The following SCNN1B variants were observed in gnomAD, a reference collection of about 807,000 sequenced individuals.
SCNN1B encodes epithelial sodium channel subunit beta.
Under a neutral mutation model 65.3 loss-of-function variants are expected in SCNN1B, and 46 were observed. The observed-to-expected ratio is 0.70, with a 90% CI of 0.56 to 0.90. The LOEUF (loss-of-function observed/expected upper bound fraction) is 0.90. Among genes scored for constraint, SCNN1B ranks in the 40% least tolerant of loss-of-function variants. The pLI, the probability that SCNN1B is intolerant of heterozygous loss-of-function variation, is 0.00. For synonymous variants in SCNN1B, 349 were observed against 330.6 expected, an observed-to-expected ratio of 1.06 and a Z score of -0.60; for missense variants, 751 against 830.5, an observed-to-expected ratio of 0.90 and a Z score of 1.18.
chr16:23,373,420 G>A (rs1035902907), intron 7 of SCNN1B, among the ~76,000 whole-genome samples: 2 of 152,164 alleles, frequency 1.3e-5, no homozygotes, highest in African/African-American at 2.4e-5. Flanking sequence ...GAGCCACTGC[G>A]CCCACTGGAA....
chr16:23,369,348 T>C (rs1215566563), intron 5 of SCNN1B, among the ~76,000 whole-genome samples: 1 of 152,172 alleles, frequency 6.6e-6, no homozygotes, highest in Non-Finnish European at 1.5e-5. Flanking sequence ...CCTCTCAAAG[T>C]ACTGGGATTA....
chr16:23,334,549 G>A (rs1360259052), intron 1 of SCNN1B, among the ~76,000 whole-genome samples: 1 of 152,172 alleles, frequency 6.6e-6, no homozygotes, highest in Non-Finnish European at 1.5e-5. Context: ...AAACCCTGAG[G>A]CACACCCGTC....
intron 4 of SCNN1B, among the ~76,000 whole-genome samples, chr16:23,367,301 TTTG>T (rs935136251): frequency 1.3e-5 from 2 of 152,076 alleles, no homozygotes; most frequent in South Asian, 2.1e-4. Context: ...GTTGTTGTTG[TTTG>T]TTGTTGTTTT....
At chr16:23,310,147 C>T (rs555165954) in intron 1 of SCNN1B, among the ~76,000 whole-genome samples, 13 of 152,166 alleles carry the variant, frequency 8.5e-5, no homozygotes, top group Non-Finnish European at 1.3e-4. Context: ...AAGGCTGAGG[C>T]GAGAGGATTG....
intron 1 of SCNN1B, among the ~76,000 whole-genome samples, chr16:23,335,173 ATAGAT>A (rs1961910639): frequency 1.3e-5 from 2 of 152,216 alleles, no homozygotes; most frequent in South Asian, 2.1e-4. Context: ...TGCTGACTGA[ATAGAT>A]TAAACATTGA....
intron 1 of SCNN1B, among the ~76,000 whole-genome samples, chr16:23,346,727 C>T (rs59303590): frequency 0.061 from 8,701 of 143,076 alleles, 956 homozygotes; most frequent in African/African-American, 0.22. Context: ...TTCAGCCTTC[C>T]CCCTTCCCCT....
chr16:23,280,530 T>C (rs150373819), intron 1 of SCNN1B, among the ~76,000 whole-genome samples: 123 of 152,308 alleles, frequency 8.1e-4, no homozygotes, highest in African/African-American at 2.9e-3. Context: ...GTAGGTATTA[T>C]TATTATGAGC....
intron 1 of SCNN1B, among the ~76,000 whole-genome samples, chr16:23,339,246 C>T (rs77882066): frequency 1.2e-3 from 177 of 151,242 alleles, no homozygotes; most frequent in African/African-American, 4.2e-3. Flanking sequence ...ATGGATATGC[C>T]GTAATTTATT....
intron 5 of SCNN1B, 69 bp downstream of exon 5, chr16:23,368,028 G>GACC: frequency 8.2e-7 from 1 of 1,216,780 alleles, no homozygotes; most frequent in Non-Finnish European, 1.2e-6. Flanking sequence ...GGGACTGAAA[G>GACC]ACCATCAGCT....
chr16:23,365,552 G>GAA (rs56313743), intron 4 of SCNN1B, among the ~76,000 whole-genome samples: 8 of 111,814 alleles, frequency 7.2e-5, no homozygotes, highest in African/African-American at 3.1e-4. Context: ...AGAGAAAGAA[G>GAA]GAAAGAGAAA....
intron 1 of SCNN1B, among the ~76,000 whole-genome samples, chr16:23,310,290 CA>C (rs202228096): frequency 0.067 from 6,237 of 92,726 alleles, 210 homozygotes; most frequent in African/African-American, 0.19. Flanking sequence ...TCTGCATGAC[CA>C]AAAAAAAAAA....
In SCNN1B at chr16:23,361,735, C is replaced by G. The variant is rs139569454; in HGVS notation, c.777-6121C>G. ...TTCTGGCACTACAGGATGCCCCCGC[C>G]CTAGAATCAGCCATTTCTCTAAAGA... On this transcript the variant is annotated intron_variant, in intron 4 of 12. Coordinates refer to ENST00000343070, the MANE Select transcript of SCNN1B (RefSeq NM_000336.3). Among the ~76,000 whole-genome samples, 978 of 152,266 alleles carry G rather than the reference C, an allele frequency of 6.4e-3. 13 individuals are homozygous for G. Among genetic ancestry groups the G allele is most frequent in the African/African-American group, 0.023 (939 of 41,566 alleles).
chr16:23,324,787 A>G (rs1262925368), intron 1 of SCNN1B, among the ~76,000 whole-genome samples: 3 of 152,156 alleles, frequency 2.0e-5, no homozygotes, highest in African/African-American at 7.2e-5. Context: ...GAGGGAGCAG[A>G]TGAAACTGAC....
chr16:23,321,312 GATTACAGGC>G (rs1961582732), intron 1 of SCNN1B, among the ~76,000 whole-genome samples: 2 of 152,256 alleles, frequency 1.3e-5, no homozygotes, highest in South Asian at 4.1e-4. Flanking sequence ...GAAGTGCTGT[GATTACAGGC>G]ATGAGCCACA....
At chr16:23,293,551 A>C (rs1960956128) in intron 2 of SCNN1B, among the ~76,000 whole-genome samples, 1 of 152,194 alleles carries the variant, frequency 6.6e-6, no homozygotes, top group Non-Finnish European at 1.5e-5. Flanking sequence ...TTTGGAAAGA[A>C]GAAAAAGTTC....
chr16:23,373,831 G>A (rs1021799278), intron 7 of SCNN1B, among the ~76,000 whole-genome samples: 1 of 152,148 alleles, frequency 6.6e-6, no homozygotes, highest in Non-Finnish European at 1.5e-5. Flanking sequence ...GCCTCTGGAG[G>A]GACAGACAGA....
chr16:23,323,951 A>G (rs8062062), intron 1 of SCNN1B, among the ~76,000 whole-genome samples: 5,403 of 152,248 alleles, frequency 0.035, 311 homozygotes, highest in African/African-American at 0.12. Flanking sequence ...CTTTCTCCCT[A>G]ATGAATTACA....
chr16:23,355,232 G>A (rs1434129200), intron 3 of SCNN1B, 67 bp from the exon 4 acceptor site: 4 of 1,520,072 alleles, frequency 2.6e-6, no homozygotes, highest in South Asian at 1.1e-5. Context: ...TAGGGCCCTC[G>A]AGCAGTGGCT....
upstream of SCNN1B, among the ~76,000 whole-genome samples, chr16:23,301,837 A>G (rs1317685375): frequency 1.3e-5 from 2 of 152,242 alleles, no homozygotes; most frequent in South Asian, 2.1e-4. Context: ...CGTTCCTGGG[A>G]AAAGTGGCTG....
Sources: allele counts gnomAD v4.1 joint callset (sites outside exome capture counted in the v4.1 genomes callset), GRCh38; gene constraint gnomAD v4.1.1; transcripts MANE v1.5; gene names NCBI Gene and HGNC (gene_info 2026-07-23, HGNC 2026-07-21).